Variants in RYK observed in about 807,000 individuals in gnomAD.
RYK encodes inactive tyrosine-protein kinase RYK.
A neutral mutation model predicts 70.2 loss-of-function variants in RYK; 21 were observed. The ratio of observed to expected loss-of-function variants is 0.30; its 90% CI spans 0.21 to 0.43. RYK has a LOEUF of 0.43. Among genes scored for constraint, RYK ranks in the 20% least tolerant of loss-of-function variants. RYK has a pLI of 1.00. For synonymous variants in RYK, 267 were observed against 278.0 expected, an observed-to-expected ratio of 0.96 and a Z score of 0.39; for missense variants, 604 against 753.3, an observed-to-expected ratio of 0.80 and a Z score of 2.32.
intron 1 of RYK, among the ~76,000 whole-genome samples, chr3:134,240,248 G>T (rs2015290583): frequency 6.6e-6 from 1 of 152,126 alleles, no homozygotes; most frequent in African/African-American, 2.4e-5. Flanking sequence ...AATCTAAGTA[G>T]AGGATAAGGA....
chr3:134,222,270 G>T, intron 2 of RYK, 148 bp downstream of exon 2: 1 of 823,874 alleles, frequency 1.2e-6, no homozygotes, highest in Non-Finnish European at 1.9e-6. Flanking sequence ...CCAAATATTT[G>T]AAATATAAAT....
At chr3:134,235,248 GA>G (rs1313922793) in intron 1 of RYK, among the ~76,000 whole-genome samples, 7 of 151,526 alleles carry the variant, frequency 4.6e-5, no homozygotes, top group African/African-American at 1.5e-4. Flanking sequence ...ACAAGAACAT[GA>G]AAAAAAATTG....
intron 6 of RYK, among the ~76,000 whole-genome samples, chr3:134,196,444 T>TA (rs908590295): frequency 7.2e-5 from 11 of 152,054 alleles, no homozygotes; most frequent in African/African-American, 1.9e-4. Flanking sequence ...ACTGGTGATT[T>TA]AAAAAAATAC....
chr3:134,225,662 TGG>T, intron 1 of RYK, among the ~76,000 whole-genome samples: 1 of 152,258 alleles, frequency 6.6e-6, no homozygotes, highest in African/African-American at 2.4e-5. Context: ...AAGACCAGCC[TGG>T]GCAACACAGC....
At chr3:134,244,816 G>A (rs751934985) in intron 1 of RYK, among the ~76,000 whole-genome samples, 3 of 152,166 alleles carry the variant, frequency 2.0e-5, no homozygotes, top group Non-Finnish European at 4.4e-5. Flanking sequence ...TAACCACTAA[G>A]GGATGGTATT....
At chr3:134,242,527 T>C (rs1347664568) in intron 1 of RYK, among the ~76,000 whole-genome samples, 1 of 152,196 alleles carries the variant, frequency 6.6e-6, no homozygotes, top group African/African-American at 2.4e-5. Flanking sequence ...CGCACAAAAA[T>C]GTATACCTTT....
chr3:134,222,660 G>A (rs9865808), intron 1 of RYK, 121 bp from the exon 2 acceptor site: 290,589 of 819,736 alleles, frequency 0.35, 56,712 homozygotes, highest in Middle Eastern at 0.49. Context: ...CATCACAAAT[G>A]GCCCTAACAT....
intron 2 of RYK, among the ~76,000 whole-genome samples, chr3:134,218,602 T>A (rs992560175): frequency 2.4e-4 from 37 of 152,022 alleles, no homozygotes; most frequent in African/African-American, 8.7e-4. Flanking sequence ...AGGGCATTCA[T>A]GAAATTCCAA....
chr3:134,188,050 C>T (rs943177518), intron 9 of RYK, among the ~76,000 whole-genome samples: 5 of 151,530 alleles, frequency 3.3e-5, no homozygotes, highest in Non-Finnish European at 5.9e-5. Context: ...AAAAATTAGG[C>T]GTCACATTTC....
chr3:134,224,317 C>T (rs946466109), intron 1 of RYK, among the ~76,000 whole-genome samples: 4 of 152,058 alleles, frequency 2.6e-5, no homozygotes, highest in Non-Finnish European at 5.9e-5. Flanking sequence ...CAGCCCTTCC[C>T]TATTTGGTAG....
chr3:134,191,486 T>C (rs2013638581), intron 8 of RYK, among the ~76,000 whole-genome samples: 2 of 152,198 alleles, frequency 1.3e-5, no homozygotes, highest in Admixed American at 6.5e-5. Context: ...CCCATGTCCA[T>C]TCCTTCCGCT....
intron 8 of RYK, among the ~76,000 whole-genome samples, chr3:134,189,277 C>T (rs985694462): frequency 1.3e-5 from 2 of 152,036 alleles, no homozygotes; most frequent in Admixed American, 6.6e-5. Context: ...AGAGAAATGA[C>T]GAAAAGACAA....
At chr3:134,226,595 C>T (rs2014917925) in intron 1 of RYK, among the ~76,000 whole-genome samples, 1 of 152,044 alleles carries the variant, frequency 6.6e-6, no homozygotes, top group Non-Finnish European at 1.5e-5. Context: ...TCATTCTCCA[C>T]AAAATATTAG....
At chr3:134,182,533 T>C (rs1288430051) in intron 10 of RYK, among the ~76,000 whole-genome samples, 1 of 152,138 alleles carries the variant, frequency 6.6e-6, no homozygotes, top group African/African-American at 2.4e-5. Context: ...TGTCTCTAGA[T>C]ACAGATGGAT....
At chr3:134,230,365 G>A (rs1181843325) in intron 1 of RYK, among the ~76,000 whole-genome samples, 2 of 152,202 alleles carry the variant, frequency 1.3e-5, no homozygotes, top group East Asian at 1.9e-4. Context: ...ACAAGCGTGA[G>A]CCACCATGCC....
At chr3:134,159,875 T>C (rs1193071594) in intron 13 of RYK, among the ~76,000 whole-genome samples, 1 of 152,064 alleles carries the variant, frequency 6.6e-6, no homozygotes, top group Non-Finnish European at 1.5e-5. Context: ...AGCAATCAGG[T>C]TTATTTAAAA....
rs2107702686 is a variant in RYK at position 134,250,588 on chromosome 3, C to T, written c.67G>A (p.Ala23Thr). Residue 23 changes from alanine (A) to threonine (T), a missense_variant, in exon 1 of 15, where the codon GCC (alanine) becomes ACC (threonine). Physicochemically the swap from Ala to Thr is moderately conservative, Grantham distance 58 (BLOSUM62 0). Around this residue, in one of 2 missense-constraint regions of RYK, gnomAD observed 466 missense variants for 535.9 expected, o/e 0.87. Transcript: ENST00000623711. Reference sequence around the variant, plus strand: ...AGCAGCAGCGGCGGCGGCGGCGGGGCCCTCAGGCCGCGGGCCCCCGGGAGG... The same window carrying T: ...AGCAGCAGCGGCGGCGGCGGCGGGGTCCTCAGGCCGCGGGCCCCCGGGAGG... ...SCLPGARGLR[A>T]PPPPPLLLLL... is the part of the protein sequence containing the mutation. The T allele has an allele frequency of 9.5e-7, 1 of 1,051,646 alleles. No individual in the cohort carries two copies. The highest frequency in any genetic ancestry group is 1.2e-6 in the Non-Finnish European group (1 of 857,228). 65.1% of individuals were successfully genotyped at this position (1,051,646 alleles called of 1,614,324 possible).
At chr3:134,202,674 A>G in intron 6 of RYK, 56 bp downstream of exon 6, 1 of 1,519,746 alleles carries the variant, frequency 6.6e-7, no homozygotes. Context: ...ATGGGCTCCC[A>G]CATATATACA....
intron 7 of RYK, 49 bp downstream of exon 7, chr3:134,195,033 A>AT: frequency 7.8e-7 from 1 of 1,274,976 alleles, no homozygotes; most frequent in South Asian, 1.2e-5. Flanking sequence ...ACTGGGAAGC[A>AT]GCATAGACAA....
Sources: allele counts gnomAD v4.1 joint callset (sites outside exome capture counted in the v4.1 genomes callset), GRCh38; gene constraint gnomAD v4.1.1; regional missense constraint gnomAD v4.1.1; transcripts MANE v1.5; gene names NCBI Gene and HGNC (gene_info 2026-07-23, HGNC 2026-07-21).